DGKI: variants seen among roughly 807,000 people sequenced by gnomAD.
DGKI encodes DAG kinase iota.
A neutral mutation model predicts 147.5 loss-of-function variants in DGKI; 55 were observed. The observed-to-expected ratio is 0.37, with a 90% CI of 0.30 to 0.47. The LOEUF (loss-of-function observed/expected upper bound fraction) is 0.47. Among genes scored for constraint, DGKI ranks in the 20% least tolerant of loss-of-function variants. The pLI, the probability that DGKI is intolerant of heterozygous loss-of-function variation, is 1.00. For missense variants in DGKI, 1,007 were observed against 1,323.8 expected (o/e 0.76, Z 3.71); for synonymous variants, 469 against 477.1 (o/e 0.98, Z 0.22).
At chr7:137,660,924 C>G (rs1822403209) in intron 3 of DGKI, among the ~76,000 whole-genome samples, 1 of 152,058 alleles carries the variant, frequency 6.6e-6, no homozygotes, top group African/African-American at 2.4e-5. Context: ...CTGGGGTTAG[C>G]TACTTTCACA....
At chr7:137,794,509 T>C (rs1175963490) in intron 1 of DGKI, among the ~76,000 whole-genome samples, 2 of 152,254 alleles carry the variant, frequency 1.3e-5, no homozygotes, top group Non-Finnish European at 2.9e-5. Flanking sequence ...CATGTATTTA[T>C]CAAACTTTAA....
intron 27 of DGKI, among the ~76,000 whole-genome samples, chr7:137,445,241 A>G (rs1813669129): frequency 6.6e-6 from 1 of 152,238 alleles, no homozygotes; most frequent in Admixed American, 6.5e-5. Context: ...GTGAGTGAAC[A>G]GTAAAGAATA....
intron 1 of DGKI, among the ~76,000 whole-genome samples, chr7:137,699,743 G>A (rs1165524005): frequency 6.6e-6 from 1 of 152,140 alleles, no homozygotes; most frequent in African/African-American, 2.4e-5. Flanking sequence ...TGTATCATTA[G>A]CATCCCACTC....
At chr7:137,840,884 C>T (rs941389500) in intron 1 of DGKI, among the ~76,000 whole-genome samples, 4 of 152,360 alleles carry the variant, frequency 2.6e-5, no homozygotes, top group African/African-American at 9.6e-5. Context: ...GGTGCAAGTT[C>T]TGTCTTCAAA....
At chr7:137,652,139 A>C (rs1051089250) in intron 5 of DGKI, among the ~76,000 whole-genome samples, 54 of 152,208 alleles carry the variant, frequency 3.5e-4, no homozygotes, top group African/African-American at 1.3e-3. Context: ...TTTTAAAGAT[A>C]GAAATTATTA....
At chr7:137,415,492 C>T (rs1486131864) in intron 28 of DGKI, among the ~76,000 whole-genome samples, 3 of 152,086 alleles carry the variant, frequency 2.0e-5, no homozygotes, top group Admixed American at 2.0e-4. Flanking sequence ...TGGAACTAAT[C>T]CCCCACAGAT....
chr7:137,448,257 C>T (rs1232246496), intron 27 of DGKI, among the ~76,000 whole-genome samples: 1 of 135,782 alleles, frequency 7.4e-6, no homozygotes, highest in Non-Finnish European at 1.5e-5. Context: ...AAGAGCAGCA[C>T]ACCAAATCAC....
intron 28 of DGKI, among the ~76,000 whole-genome samples, chr7:137,441,224 T>G (rs1399760528): frequency 1.3e-5 from 2 of 151,718 alleles, no homozygotes; most frequent in Non-Finnish European, 1.5e-5. Context: ...ATCGAGACCA[T>G]CCTGGCTAAC....
intron 29 of DGKI, among the ~76,000 whole-genome samples, chr7:137,410,483 G>A (rs1192789342): frequency 6.6e-6 from 1 of 152,158 alleles, no homozygotes; most frequent in Non-Finnish European, 1.5e-5. Flanking sequence ...GAATGCATTA[G>A]GTTGGTGCAA....
At chr7:137,618,151 A>ATATATATATATATATATTTTTTT in intron 8 of DGKI, among the ~76,000 whole-genome samples, 3 of 10,464 alleles carry the variant, frequency 2.9e-4, no homozygotes, top group East Asian at 7.4e-3. Flanking sequence ...ATATATATAT[A>ATATATATATATATATATTTTTTT]TTTTTTTTTT....
intron 6 of DGKI, among the ~76,000 whole-genome samples, chr7:137,628,461 C>G (rs1484696208): frequency 2.6e-5 from 4 of 152,200 alleles, no homozygotes; most frequent in Admixed American, 2.6e-4. Flanking sequence ...GGACCAAGTT[C>G]CCATTAAACC....
At chr7:137,577,093 G>T (rs1001700899) in intron 17 of DGKI, 129 bp downstream of exon 17, 1 of 708,944 alleles carries the variant, frequency 1.4e-6, no homozygotes, top group Non-Finnish European at 2.5e-6. Flanking sequence ...TAGGTTGAAT[G>T]AACTACACAA....
intron 20 of DGKI, among the ~76,000 whole-genome samples, chr7:137,540,180 C>A (rs1163296172): frequency 1.3e-5 from 2 of 151,988 alleles, no homozygotes; most frequent in Non-Finnish European, 2.9e-5. Context: ...CAAATAATAC[C>A]CTAATCTTTT....
At chr7:137,760,693 G>A (rs920937632) in intron 1 of DGKI, among the ~76,000 whole-genome samples, 1 of 152,118 alleles carries the variant, frequency 6.6e-6, no homozygotes, top group Non-Finnish European at 1.5e-5. Context: ...GAACCATTTC[G>A]GTTGGCAAAA....
At chr7:137,607,698 G>C (rs765843436) in intron 10 of DGKI, among the ~76,000 whole-genome samples, 1 of 152,114 alleles carries the variant, frequency 6.6e-6, no homozygotes, top group South Asian at 2.1e-4. Flanking sequence ...TCTAACCTTT[G>C]ATAGAACATA....
At chr7:137,750,291 A>C (rs956380926) in intron 1 of DGKI, among the ~76,000 whole-genome samples, 4 of 152,118 alleles carry the variant, frequency 2.6e-5, no homozygotes, top group African/African-American at 9.6e-5. Flanking sequence ...AGGTCTTCCT[A>C]CTCCTGGTTC....
At chr7:137,430,676 G>T (rs1813033362) in intron 28 of DGKI, among the ~76,000 whole-genome samples, 1 of 152,162 alleles carries the variant, frequency 6.6e-6, no homozygotes, top group Admixed American at 6.5e-5. Context: ...TGTAGAGAAT[G>T]ATTTCCTAGA....
intron 28 of DGKI, among the ~76,000 whole-genome samples, chr7:137,436,790 C>T (rs572754713): frequency 2.2e-4 from 34 of 152,098 alleles, no homozygotes; most frequent in Non-Finnish European, 3.7e-4. Flanking sequence ...TGTATAAAGG[C>T]GGTAAATATA....
At chr7:137,685,163 A>G (rs1251754582) in intron 2 of DGKI, among the ~76,000 whole-genome samples, 1 of 152,220 alleles carries the variant, frequency 6.6e-6, no homozygotes, top group African/African-American at 2.4e-5. Context: ...ACTAAAGGAA[A>G]GGAAAGGAAA....
Sources: allele counts gnomAD v4.1 joint callset (sites outside exome capture counted in the v4.1 genomes callset), GRCh38; gene constraint gnomAD v4.1.1; transcripts MANE v1.5; gene names NCBI Gene and HGNC (gene_info 2026-07-23, HGNC 2026-07-21).